SMARCA5: variants seen among roughly 807,000 people sequenced by gnomAD.
The protein encoded by SMARCA5 is SWI/SNF-related matrix-associated actin-dependent regulator of chromatin subfamily A member 5.
SMARCA5 carries 18 observed loss-of-function variants against 140.4 expected under a neutral mutation model. The observed-to-expected ratio is 0.13, with a 90% CI of 0.09 to 0.19. The LOEUF is 0.19. Among genes scored for constraint, SMARCA5 ranks in the 10% least tolerant of loss-of-function variants. SMARCA5 has a pLI of 1.00. For synonymous variants in SMARCA5, 449 were observed against 419.6 expected (o/e 1.07, Z -0.86); for missense variants, 606 against 1,276.8 (o/e 0.47, Z 8.01).
rs1737537514 is a variant in SMARCA5, at chr4:143,546,964, T to C, written c.2653+56T>C. 11 of 1,555,010 alleles carry C rather than the reference T, an allele frequency of 7.1e-6. No homozygotes were observed. The Admixed American group carries it at 1.6e-4, about 23-fold the overall frequency. ...AGTAAGAGCTGTTGGAAGGTTCTTG[T>C]TTTCTTATTCTGAATTATGTTGTGA... On this transcript the variant is annotated intron_variant, in intron 20 of 23. Coordinates refer to ENST00000283131, the MANE Select transcript of SMARCA5 (RefSeq NM_003601.4).
In SMARCA5 at chr4:143,538,683, A is replaced by T. The variant is rs1737364464; in HGVS notation, c.1589A>T (p.Asp530Val). 22 of 1,614,012 alleles carry T rather than the reference A, an allele frequency of 1.4e-5. No individual in the cohort carries two copies. Among genetic ancestry groups the T allele is most frequent in the Non-Finnish European group, 1.7e-5 (20 of 1,179,924 alleles). The change falls in exon 12 of 24, where the codon GAT (aspartate) becomes GTT (valine). Residue 530 changes from aspartate to valine, a missense_variant. Physicochemically the swap from Asp to Val is radical, Grantham distance 152 (BLOSUM62 -3). Around this residue, in one of 10 missense-constraint regions of SMARCA5, gnomAD observed 68 missense variants for 126.9 expected, o/e 0.54. Transcript: ENST00000283131. ...MWRNYEYCRL[D>V]GQTPHDERQD... is the part of the protein sequence containing the mutation. ...AGAAATTATGAGTACTGCAGGTTGG[A>T]TGGTCAGACACCCCATGATGAGAGA...
intron 23 of SMARCA5, among the ~76,000 whole-genome samples, chr4:143,550,988 T>C (rs934543331): frequency 6.6e-6 from 1 of 152,086 alleles, no homozygotes; most frequent in African/African-American, 2.4e-5. Flanking sequence ...ACCTTCAAAC[T>C]GCTTCCACAG....
At chr4:143,538,172 A>T (rs570253272) in intron 11 of SMARCA5, among the ~76,000 whole-genome samples, 31 of 152,298 alleles carry the variant, frequency 2.0e-4, no homozygotes, top group African/African-American at 7.5e-4. Context: ...GGCACATATT[A>T]TGGTCCTTTG....
At chr4:143,531,897 C>CT (rs2149820461) in intron 9 of SMARCA5, among the ~76,000 whole-genome samples, 1 of 152,328 alleles carries the variant, frequency 6.6e-6, no homozygotes, top group African/African-American at 2.4e-5. Flanking sequence ...ACCAGCCAGG[C>CT]TGAGGCTGGC....
chr4:143,528,883 A>G (rs1334857276), intron 8 of SMARCA5, among the ~76,000 whole-genome samples, 169 bp downstream of exon 8: 4 of 152,094 alleles, frequency 2.6e-5, no homozygotes, highest in Admixed American at 2.6e-4. Context: ...TCTCTGTATA[A>G]TGGGAATTTA....
At position 143,534,846 on chromosome 4, in the gene SMARCA5, CTT is replaced by C; in HGVS notation, c.1159-5_1159-4del. 1 of 1,599,666 alleles carries C rather than the reference CTT, an allele frequency of 6.3e-7. No homozygotes were observed. The stretch of plus-strand genomic sequence containing the variant: ...TTGGTATTACCTGTTTATTTTTGTC[CTT>C]TTTAAGGTTTTGCGTCCATTCCTCC... On this transcript the variant is annotated splice_region_variant and splice_polypyrimidine_tract_variant and intron_variant, in intron 9 of 23. Transcript: ENST00000283131.
intron 14 of SMARCA5, among the ~76,000 whole-genome samples, chr4:143,542,009 C>T (rs1019444597): frequency 2.0e-5 from 3 of 151,954 alleles, no homozygotes; most frequent in Non-Finnish European, 2.9e-5. Flanking sequence ...AGATGCCCGC[C>T]ACCACACCTG....
At chr4:143,549,605 T>G (rs556338817) in intron 22 of SMARCA5, among the ~76,000 whole-genome samples, 20 of 152,242 alleles carry the variant, frequency 1.3e-4, no homozygotes, top group Admixed American at 7.9e-4. Context: ...ACACACCTGT[T>G]AAAGTTCTTG....
At position 143,523,839 on chromosome 4, in the gene SMARCA5, A is replaced by G. The variant is rs562540266; in HGVS notation, c.420-528A>G. Among the ~76,000 whole-genome samples, 288 of 152,338 alleles carry G rather than the reference A, an allele frequency of 1.9e-3. 2 individuals are homozygous for G. The highest frequency in any genetic ancestry group is 3.5e-3 in the Non-Finnish European group (237 of 68,026). Reference sequence around the variant, plus strand: ...CCAAGCCCTTTAGAGATTAATTGGCAGTATTAAAACTTTAGAAAATCAGTT... The same window carrying G: ...CCAAGCCCTTTAGAGATTAATTGGCGGTATTAAAACTTTAGAAAATCAGTT... On this transcript the variant is annotated intron_variant, in intron 3 of 23. Coordinates refer to ENST00000283131, the MANE Select transcript of SMARCA5 (RefSeq NM_003601.4).
In SMARCA5 at chr4:143,525,432, G is replaced by A. The variant is rs374335794; in HGVS notation, c.521-19G>A. The A allele has an allele frequency of 1.5e-5, 22 of 1,486,206 alleles. No individual in the cohort carries two copies. Among genetic ancestry groups the A allele is most frequent in the Non-Finnish European group, 2.1e-5 (22 of 1,064,112 alleles). 92.1% of individuals were successfully genotyped at this position (1,486,206 alleles called of 1,614,324 possible). On this transcript the variant is annotated intron_variant, in intron 4 of 23. Coordinates refer to ENST00000283131, the MANE Select transcript of SMARCA5 (RefSeq NM_003601.4). Reference sequence around the variant, plus strand: ...TTTCTTGTCTTAAAATGCCTATTGTGCTTTTCTTTTGTTCTTAGATGTAAA... The same window carrying A: ...TTTCTTGTCTTAAAATGCCTATTGTACTTTTCTTTTGTTCTTAGATGTAAA...
intron 14 of SMARCA5, among the ~76,000 whole-genome samples, chr4:143,541,013 C>A (rs573764455): frequency 2.0e-5 from 3 of 152,246 alleles, no homozygotes; most frequent in Admixed American, 2.0e-4. Flanking sequence ...ATGGAACAAA[C>A]AAGTATTCTT....
chr4:143,539,576 G>A (rs191756923), intron 13 of SMARCA5, among the ~76,000 whole-genome samples: 2 of 145,184 alleles, frequency 1.4e-5, no homozygotes, highest in African/African-American at 5.1e-5. Flanking sequence ...CGCTCTTACT[G>A]CTCAGGCTGG....
In SMARCA5 at chr4:143,553,251, A is replaced by G. The variant is rs1737681446; in HGVS notation, c.*67A>G. ...TCTTTAATTTACGGGTCTTCATAAG[A>G]TGTACTGTACAATGCTCAATTGTTA... On this transcript the variant is annotated 3_prime_UTR_variant, in exon 24 of 24. Transcript: ENST00000283131. 2 of 1,065,524 alleles carry G rather than the reference A, an allele frequency of 1.9e-6. No individual in the cohort carries two copies. Among genetic ancestry groups the G allele is most frequent in the Non-Finnish European group, 2.9e-6 (2 of 682,336 alleles). 66.0% of individuals were successfully genotyped at this position (1,065,524 alleles called of 1,614,324 possible).
In SMARCA5 at chr4:143,555,515, A is replaced by C. The variant is rs1406290384; in HGVS notation, c.*2331A>C. On this transcript the variant is annotated 3_prime_UTR_variant, in exon 24 of 24. Coordinates refer to ENST00000283131, the MANE Select transcript of SMARCA5 (RefSeq NM_003601.4). Reference sequence around the variant, plus strand: ...GTGTAGATTGTTTTGTTTTGTACCCATGCTGTTGATTGCTAAATGTTTTAA... The same window carrying C: ...GTGTAGATTGTTTTGTTTTGTACCCCTGCTGTTGATTGCTAAATGTTTTAA... 4.7e-6 allele frequency: 2 copies of C among 429,032 alleles called. No homozygotes were observed. The highest frequency in any genetic ancestry group is 4.1e-5 in the African/African-American group (2 of 48,854). The allele number at this position is 429,032 out of a possible 1,614,324, so 26.6% of individuals were successfully genotyped here.
rs765362128 is a variant in SMARCA5 at position 143,538,927 on chromosome 4, C to G, written c.1759C>G (p.Leu587Val). The G allele has an allele frequency of 6.2e-7, 1 of 1,613,694 alleles. No individual in the cohort carries two copies. Among genetic ancestry groups the G allele is most frequent in the South Asian group, 1.1e-5 (1 of 91,038 alleles). Residue 587 changes from leucine to valine, a missense_variant, in exon 13 of 24, where the codon CTT (leucine) becomes GTT (valine). By Grantham distance (32) the Leu-to-Val change is conservative (BLOSUM62 1). Transcript: ENST00000283131. Reference sequence around the variant, plus strand: ...TTCTGATTGGAATCCCCAAGTAGATCTTCAGGCTATGGTAAGAGATAACGA... The same window carrying G: ...TTCTGATTGGAATCCCCAAGTAGATGTTCAGGCTATGGTAAGAGATAACGA... ...YDSDWNPQVDLQAMDRAHRIG... is the reference protein window; with the variant it reads ...YDSDWNPQVDVQAMDRAHRIG...
intron 8 of SMARCA5, 28 bp from the exon 9 acceptor site, chr4:143,530,430 T>G (rs764341395): frequency 6.8e-7 from 1 of 1,479,392 alleles, no homozygotes; most frequent in South Asian, 1.2e-5. Flanking sequence ...ATCTCTGATC[T>G]GAGTATATTT....
chr4:143,550,498 C>T (rs1051971397), intron 23 of SMARCA5, among the ~76,000 whole-genome samples: 22 of 151,896 alleles, frequency 1.4e-4, no homozygotes, highest in East Asian at 1.9e-4. Context: ...TTATTTATTG[C>T]GGTAGTCACT....
At chr4:143,530,567 GA>G in intron 9 of SMARCA5, 41 bp downstream of exon 9, 11 of 1,335,144 alleles carry the variant, frequency 8.2e-6, no homozygotes, top group Non-Finnish European at 1.2e-5. Flanking sequence ...TTTATGATGG[GA>G]AAAAGGATAA....
In SMARCA5 at chr4:143,553,860, C is replaced by G. The variant is rs1578808558; in HGVS notation, c.*676C>G. 6.6e-6 allele frequency: 1 copy of G among 151,660 alleles called. No individual in the cohort carries two copies. Among genetic ancestry groups the G allele is most frequent in the Non-Finnish European group, 1.5e-5 (1 of 67,878 alleles). The allele number at this position is 151,660 out of a possible 1,614,324, so 9.4% of individuals were successfully genotyped here. A position where few individuals can be genotyped will look rare whatever the true frequency, so the allele number is the denominator to read the frequency against. On this transcript the variant is annotated 3_prime_UTR_variant, in exon 24 of 24. Transcript: ENST00000283131. Reference sequence around the variant, plus strand: ...TATTTTCCGGTTCCTTAAGGTATTACTGTACCATTTTGTAAAAGGAATATT... The same window carrying G: ...TATTTTCCGGTTCCTTAAGGTATTAGTGTACCATTTTGTAAAAGGAATATT...
Sources: allele counts gnomAD v4.1 joint callset (sites outside exome capture counted in the v4.1 genomes callset), GRCh38; gene constraint gnomAD v4.1.1; regional missense constraint gnomAD v4.1.1; transcripts MANE v1.5; gene names NCBI Gene and HGNC (gene_info 2026-07-23, HGNC 2026-07-21).